DSCAM: variants seen among roughly 807,000 people sequenced by gnomAD.
DSCAM encodes DS cell adhesion molecule.
A neutral mutation model predicts 217.7 loss-of-function variants in DSCAM; 47 were observed. That is an observed-to-expected ratio of 0.22 (90% CI 0.17 to 0.28). The LOEUF (loss-of-function observed/expected upper bound fraction) is 0.28, where lower values mean the gene tolerates loss of function less well. Ranked by LOEUF, DSCAM falls within the 10% of genes least tolerant of loss-of-function variation. The pLI is 1.00. For synonymous variants in DSCAM, 1,056 were observed against 1,015.3 expected, an observed-to-expected ratio of 1.04 and a Z score of -0.76; for missense variants, 2,080 against 2,618.3, an observed-to-expected ratio of 0.79 and a Z score of 4.49.
intron 3 of DSCAM, among the ~76,000 whole-genome samples, chr21:40,396,844 G>C (rs190648772): frequency 2.0e-4 from 30 of 152,192 alleles, no homozygotes; most frequent in Admixed American, 1.3e-3. Flanking sequence ...CTTACAACTT[G>C]ACAAAATTAC....
At chr21:40,453,213 T>C (rs2075736298) in intron 3 of DSCAM, among the ~76,000 whole-genome samples, 1 of 152,166 alleles carries the variant, frequency 6.6e-6, no homozygotes, top group Non-Finnish European at 1.5e-5. Context: ...TCTGACTTTA[T>C]AGGATTAATA....
At chr21:40,794,401 T>C (rs1309957428) in intron 1 of DSCAM, among the ~76,000 whole-genome samples, 1 of 152,196 alleles carries the variant, frequency 6.6e-6, no homozygotes, top group Non-Finnish European at 1.5e-5. Context: ...TCCATCCCAC[T>C]TGTGTTTCAT....
At chr21:40,548,503 TA>T (rs60211777) in intron 3 of DSCAM, among the ~76,000 whole-genome samples, 28 of 90,308 alleles carry the variant, frequency 3.1e-4, no homozygotes, top group East Asian at 1.9e-3. Flanking sequence ...AATAAACCAG[TA>T]AAAAAAAAAA....
At position 40,345,871 on chromosome 21, in the gene DSCAM, G is replaced by A. The variant is rs757507889; in HGVS notation, c.1210+1799C>T. Among the ~76,000 whole-genome samples the A allele has an allele frequency of 7.2e-4, 109 of 152,278 alleles. No individual in the cohort carries two copies. The Middle Eastern group carries it at 0.014, about 19-fold the overall frequency. On this transcript the variant is annotated intron_variant, in intron 6 of 32. Transcript: ENST00000400454. ...TTGTCCTGAATGGAAGCTGACATGC[G>A]ACAAATAAATCTGCGAGTGTGCTGG...
At chr21:40,118,763 T>A (rs1042855223) in intron 20 of DSCAM, among the ~76,000 whole-genome samples, 2 of 152,210 alleles carry the variant, frequency 1.3e-5, no homozygotes, top group Non-Finnish European at 2.9e-5. Flanking sequence ...TCTGGCCGTA[T>A]GTTTGAGTGA....
intron 19 of DSCAM, among the ~76,000 whole-genome samples, chr21:40,130,601 G>C (rs1568956666): frequency 6.6e-6 from 1 of 152,078 alleles, no homozygotes; most frequent in African/African-American, 2.4e-5. Flanking sequence ...ACAGACATGA[G>C]AATATGTCCA....
At chr21:40,438,134 A>G (rs531735333) in intron 3 of DSCAM, among the ~76,000 whole-genome samples, 6 of 152,326 alleles carry the variant, frequency 3.9e-5, no homozygotes, top group Non-Finnish European at 7.3e-5. Flanking sequence ...ATTCTGCCAT[A>G]GACTGTGTGA....
chr21:40,827,622 G>C (rs1355260067), intron 1 of DSCAM, among the ~76,000 whole-genome samples: 1 of 152,160 alleles, frequency 6.6e-6, no homozygotes, highest in Non-Finnish European at 1.5e-5. Flanking sequence ...TGAAAGATGA[G>C]AGTGTCAGGT....
At chr21:40,745,639 C>T (rs1266497157) in intron 1 of DSCAM, among the ~76,000 whole-genome samples, 3 of 152,242 alleles carry the variant, frequency 2.0e-5, no homozygotes, top group African/African-American at 7.2e-5. Context: ...TCAGATCTGT[C>T]TTACAAGAAA....
At chr21:40,598,172 C>T (rs1283569747) in intron 3 of DSCAM, among the ~76,000 whole-genome samples, 1 of 152,204 alleles carries the variant, frequency 6.6e-6, no homozygotes, top group African/African-American at 2.4e-5. Flanking sequence ...TTTGCCTTTT[C>T]CAGAATGTCA....
chr21:40,238,645 G>T (rs1354067006), intron 11 of DSCAM, among the ~76,000 whole-genome samples: 1 of 152,162 alleles, frequency 6.6e-6, no homozygotes, highest in Non-Finnish European at 1.5e-5. Flanking sequence ...TGACTAATTT[G>T]TGTGTTGCCT....
chr21:40,050,489 T>TC (rs1469239915), intron 30 of DSCAM, among the ~76,000 whole-genome samples: 1 of 148,848 alleles, frequency 6.7e-6, no homozygotes, highest in East Asian at 2.0e-4. Context: ...CCTTGAATCT[T>TC]TTTTTTTTTT....
intron 1 of DSCAM, among the ~76,000 whole-genome samples, chr21:40,842,744 T>G (rs1421805279): frequency 6.6e-6 from 1 of 152,120 alleles, no homozygotes; most frequent in Non-Finnish European, 1.5e-5. Context: ...TAGTCAAAAT[T>G]AGTTCCCCTA....
In DSCAM at chr21:40,752,876, C is replaced by A. The variant is rs577856098; in HGVS notation, c.44-44105G>T. Among the ~76,000 whole-genome samples the A allele has an allele frequency of 8.5e-5, 13 of 152,168 alleles. No individual in the cohort carries two copies. In the East Asian group the frequency reaches 2.1e-3, roughly 25 times the overall value. On this transcript the variant is annotated intron_variant, in intron 1 of 32. Coordinates refer to ENST00000400454, the MANE Select transcript of DSCAM (RefSeq NM_001389.5). ...AAGTGTTTTGTTCACTAGTATATCC[C>A]CAGAAACGTTTAAATAATAGACACT...
intron 1 of DSCAM, among the ~76,000 whole-genome samples, chr21:40,779,011 C>T (rs2091515036): frequency 2.7e-5 from 3 of 113,106 alleles, no homozygotes; most frequent in African/African-American, 1.1e-4. Context: ...GCAACAAGAG[C>T]GAAACTCCAT....
At chr21:40,547,914 G>A (rs1006511165) in intron 3 of DSCAM, among the ~76,000 whole-genome samples, 4 of 152,182 alleles carry the variant, frequency 2.6e-5, no homozygotes, top group African/African-American at 4.8e-5. Flanking sequence ...CAGACACTGC[G>A]CAGTGTCCCG....
At chr21:40,208,240 G>A (rs2091146518) in intron 11 of DSCAM, among the ~76,000 whole-genome samples, 1 of 152,082 alleles carries the variant, frequency 6.6e-6, no homozygotes, top group South Asian at 2.1e-4. Flanking sequence ...ATCACCTGAG[G>A]TCAAGAGTTT....
chr21:40,745,049 C>T (rs920796253), intron 1 of DSCAM, among the ~76,000 whole-genome samples: 7 of 151,992 alleles, frequency 4.6e-5, no homozygotes, highest in African/African-American at 1.7e-4. Flanking sequence ...TCGAAATCTT[C>T]AATAGCAGAC....
At chr21:40,537,296 G>GAGAC (rs769359862) in intron 3 of DSCAM, among the ~76,000 whole-genome samples, 1 of 152,190 alleles carries the variant, frequency 6.6e-6, no homozygotes, top group East Asian at 1.9e-4. Flanking sequence ...GGTCGAGAGA[G>GAGAC]AGACAGACAG....
Sources: allele counts gnomAD v4.1 joint callset (sites outside exome capture counted in the v4.1 genomes callset), GRCh38; gene constraint gnomAD v4.1.1; transcripts MANE v1.5; gene names NCBI Gene and HGNC (gene_info 2026-07-23, HGNC 2026-07-21).